Variants in NRIP1 observed in about 807,000 individuals in gnomAD.
The protein encoded by NRIP1 is nuclear receptor-interacting protein 1.
Under a neutral mutation model 75.0 loss-of-function variants are expected in NRIP1, and 28 were observed. The observed-to-expected ratio is 0.37, with a 90% confidence interval of 0.28 to 0.51. NRIP1 has a LOEUF of 0.51. Among genes scored for constraint, NRIP1 ranks in the 20% least tolerant of loss-of-function variants. NRIP1 has a pLI of 0.92. For missense variants in NRIP1, 1,435 were observed against 1,343.7 expected, an observed-to-expected ratio of 1.07 and a Z score of -1.06; for synonymous variants, 526 against 487.6, an observed-to-expected ratio of 1.08 and a Z score of -1.04.
chr21:14,965,973 T>G lies in NRIP1; in HGVS notation c.2220A>C (p.Glu740Asp). 1 of 1,613,934 alleles carries G rather than the reference T, an allele frequency of 6.2e-7. No individual in the cohort carries two copies. Among genetic ancestry groups the G allele is most frequent in the Non-Finnish European group, 8.5e-7 (1 of 1,179,944 alleles). Reference sequence around the variant, plus strand: ...GTTCACTTAAAGCTCTCTCTGAGTGTTCCTGAGTACTTTCATCTCTTAAGG... The same window carrying G: ...GTTCACTTAAAGCTCTCTCTGAGTGGTCCTGAGTACTTTCATCTCTTAAGG... ...KTPLRDESTQ[E>D]HSERALSEQI... is the part of the protein sequence containing the mutation. The change falls in exon 4 of 4, where the codon GAA becomes GAC. Residue 740 changes from glutamate (E) to aspartate (D), a missense_variant. Glu to Asp is a conservative substitution (Grantham distance 45). Transcript: ENST00000318948.
chr21:15,026,398 CAAT>C (rs2088522262), intron 2 of NRIP1, among the ~76,000 whole-genome samples: 2 of 152,216 alleles, frequency 1.3e-5, no homozygotes, highest in Admixed American at 6.5e-5. Context: ...TTAGATCTGA[CAAT>C]GATGTAGCTC....
chr21:15,014,775 A>G (rs891157616), intron 2 of NRIP1, among the ~76,000 whole-genome samples: 2 of 152,094 alleles, frequency 1.3e-5, no homozygotes, highest in African/African-American at 4.8e-5. Context: ...GCTGTGCTAA[A>G]TTAATTAATT....
At chr21:15,054,438 T>C (rs2089265420) in intron 1 of NRIP1, among the ~76,000 whole-genome samples, 1 of 152,178 alleles carries the variant, frequency 6.6e-6, no homozygotes. Context: ...TGCGTATTAC[T>C]GAAGAAATGT....
intron 3 of NRIP1, among the ~76,000 whole-genome samples, chr21:14,986,966 AGGTT>A (rs923860032): frequency 7.9e-5 from 12 of 152,230 alleles, no homozygotes; most frequent in African/African-American, 2.9e-4. Flanking sequence ...CATAATTTAA[AGGTT>A]GGGAGGCAGT....
At chr21:14,994,721 G>C (rs1230967165) in intron 3 of NRIP1, among the ~76,000 whole-genome samples, 4 of 152,148 alleles carry the variant, frequency 2.6e-5, no homozygotes, top group Non-Finnish European at 5.9e-5. Flanking sequence ...GCACACTGAA[G>C]CTAAGAGAAC....
intron 1 of NRIP1, among the ~76,000 whole-genome samples, chr21:15,062,533 C>G (rs1191298882): frequency 6.6e-6 from 1 of 152,208 alleles, no homozygotes; most frequent in African/African-American, 2.4e-5. Context: ...GAATTAACAT[C>G]TTTTGGAGAA....
chr21:15,049,099 T>C (rs1412519309), intron 1 of NRIP1, among the ~76,000 whole-genome samples: 1 of 152,160 alleles, frequency 6.6e-6, no homozygotes. Context: ...TATACCCTAA[T>C]AGCATTTAGA....
chr21:14,997,852 G>T (rs2087766453), intron 3 of NRIP1, among the ~76,000 whole-genome samples: 1 of 151,922 alleles, frequency 6.6e-6, no homozygotes, highest in Non-Finnish European at 1.5e-5. Context: ...CCATTTTGCA[G>T]ATGGGGAAAC....
intron 2 of NRIP1, among the ~76,000 whole-genome samples, chr21:15,029,173 T>C (rs373318097): frequency 6.6e-6 from 1 of 152,198 alleles, no homozygotes; most frequent in East Asian, 1.9e-4. Context: ...TTGACACCTC[T>C]TTGGTCTACT....
chr21:14,963,115 T>C lies in NRIP1; in HGVS notation c.*1601A>G, dbSNP rs2086633170. The C allele has an allele frequency of 6.6e-6, 1 of 152,294 alleles. No individual in the cohort carries two copies. Among genetic ancestry groups the C allele is most frequent in the African/African-American group, 2.4e-5 (1 of 41,430 alleles). The allele number at this position is 152,294 out of a possible 1,614,324, so 9.4% of individuals were successfully genotyped here. Reference sequence around the variant, plus strand: ...TTCATCACTACTTTAAAGTAAAAGATCCAATGGAGTGATTGTGTACAATTC... The same window carrying C: ...TTCATCACTACTTTAAAGTAAAAGACCCAATGGAGTGATTGTGTACAATTC... On this transcript the variant is annotated 3_prime_UTR_variant, in exon 4 of 4. Coordinates refer to ENST00000318948, the MANE Select transcript of NRIP1 (RefSeq NM_003489.4).
intron 2 of NRIP1, among the ~76,000 whole-genome samples, chr21:15,031,839 G>A (rs1299737971): frequency 3.4e-5 from 5 of 148,240 alleles, no homozygotes; most frequent in East Asian, 2.0e-4. Context: ...TCTGGAAGGC[G>A]TTCAGAGGTT....
At chr21:14,991,524 T>C (rs1454665791) in intron 3 of NRIP1, among the ~76,000 whole-genome samples, 3 of 152,126 alleles carry the variant, frequency 2.0e-5, no homozygotes, top group African/African-American at 4.8e-5. Context: ...CTCTGCTCTA[T>C]CTTGTAGGAC....
chr21:14,971,607 T>A (rs549050543), intron 3 of NRIP1: 10 of 150,790 alleles, frequency 6.6e-5, no homozygotes, highest in Non-Finnish European at 1.3e-4. Context: ...ACATCTCTAA[T>A]AATAAAAATA....
At chr21:15,016,377 G>A (rs1009340125) in intron 2 of NRIP1, among the ~76,000 whole-genome samples, 20 of 152,206 alleles carry the variant, frequency 1.3e-4, no homozygotes, top group African/African-American at 4.3e-4. Flanking sequence ...ATTAGAATGT[G>A]GTAGGGACCT....
intron 3 of NRIP1, among the ~76,000 whole-genome samples, chr21:14,975,630 A>G (rs2087037690): frequency 7.0e-6 from 1 of 143,088 alleles, no homozygotes; most frequent in Non-Finnish European, 1.5e-5. Context: ...TTTCTTTAAA[A>G]AAAAAAAAAA....
At chr21:15,040,327 C>T (rs2088925401) in intron 2 of NRIP1, among the ~76,000 whole-genome samples, 1 of 152,038 alleles carries the variant, frequency 6.6e-6, no homozygotes, top group Non-Finnish European at 1.5e-5. Flanking sequence ...TTAACCATAG[C>T]TACTAGAAAC....
At chr21:15,035,556 CTTTT>C (rs71331704) in intron 2 of NRIP1, among the ~76,000 whole-genome samples, 1 of 134,516 alleles carries the variant, frequency 7.4e-6, no homozygotes. Context: ...TTGTATATGA[CTTTT>C]TTTTTTTTTT....
chr21:15,047,440 T>C (rs2089106294), intron 1 of NRIP1, among the ~76,000 whole-genome samples: 3 of 152,164 alleles, frequency 2.0e-5, no homozygotes, highest in Admixed American at 2.0e-4. Flanking sequence ...CTTGGGAGGC[T>C]GAGGCGGGAG....
In NRIP1 at chr21:14,965,521, T is replaced by C. The variant is rs768408644; in HGVS notation, c.2672A>G (p.Tyr891Cys). 1.2e-6 allele frequency: 2 copies of C among 1,614,084 alleles called. No individual in the cohort carries two copies. Among genetic ancestry groups the C allele is most frequent in the Admixed American group, 1.7e-5 (1 of 60,012 alleles). ...CTCTTCCTGGTTAAGCAAGGACCCA[T>C]ACAGTACTTCTGGGGCACTGTGATT... ...ANNHSAPEVL[Y>C]GSLLNQEELK... Residue 891 changes from tyrosine (Y) to cysteine (C), a missense_variant, in exon 4 of 4, where the codon TAT (tyrosine) becomes TGT (cysteine). Transcript: ENST00000318948.
Sources: allele counts gnomAD v4.1 joint callset (sites outside exome capture counted in the v4.1 genomes callset), GRCh38; gene constraint gnomAD v4.1.1; transcripts MANE v1.5; gene names NCBI Gene and HGNC (gene_info 2026-07-23, HGNC 2026-07-21).